The following DHX34 variants were observed in gnomAD, a reference collection of about 807,000 sequenced individuals.
The protein encoded by DHX34 is probable ATP-dependent RNA helicase DHX34.
Under a neutral mutation model 111.1 loss-of-function variants are expected in DHX34, and 96 were observed. That is an observed-to-expected ratio of 0.86 (90% CI 0.73 to 1.02). The LOEUF (loss-of-function observed/expected upper bound fraction) is 1.02, where lower values mean the gene tolerates loss of function less well. DHX34 is among the 50% of genes least tolerant of loss of function. The pLI, the probability that DHX34 is intolerant of heterozygous loss-of-function variation, is 0.00. For synonymous variants in DHX34, 688 were observed against 670.4 expected (o/e 1.03, Z -0.41); for missense variants, 1,560 against 1,579.9 (o/e 0.99, Z 0.21).
chr19:47,379,189 T>G (rs561896798), intron 13 of DHX34, among the ~76,000 whole-genome samples: 1 of 152,134 alleles, frequency 6.6e-6, no homozygotes, highest in South Asian at 2.1e-4. Context: ...AACTTCACAT[T>G]CACATAAGCA....
At chr19:47,352,520 A>G (rs1377949015) in intron 1 of DHX34, among the ~76,000 whole-genome samples, 2 of 152,020 alleles carry the variant, frequency 1.3e-5, no homozygotes, top group Admixed American at 1.3e-4. Flanking sequence ...TACAAACAGT[A>G]AAAAATTAGC....
chr19:47,355,901 T>C lies in DHX34; in HGVS notation c.1017+551T>C, dbSNP rs187701827. On this transcript the variant is annotated intron_variant, in intron 3 of 16. Transcript: ENST00000328771. ...TAAAGTCTCAAATAAGAGAAGTTTA[T>C]TTCTCTCATATAACAGTGTGGCTGG... Among the ~76,000 whole-genome samples, 4 of 152,076 alleles carry C rather than the reference T, an allele frequency of 2.6e-5. No individual in the cohort carries two copies. In the East Asian group the frequency reaches 7.7e-4, roughly 29 times the overall value.
chr19:47,371,524 A>C (rs1969965505), intron 7 of DHX34, among the ~76,000 whole-genome samples: 1 of 152,210 alleles, frequency 6.6e-6, no homozygotes, highest in Admixed American at 6.5e-5. Context: ...GGTGTCCTGG[A>C]ATAGGACAGG....
chr19:47,368,298 CTTTTTTTTTTTT>C (rs71180827), intron 7 of DHX34, among the ~76,000 whole-genome samples: 4 of 46,022 alleles, frequency 8.7e-5, no homozygotes, highest in African/African-American at 3.9e-4. Context: ...TCATTAAATC[CTTTTTTTTTTTT>C]TTTTTTTTTT....
At chr19:47,377,034 C>T (rs1233741387) in intron 12 of DHX34, 66 bp from the exon 13 acceptor site, 1 of 1,609,780 alleles carries the variant, frequency 6.2e-7, no homozygotes, top group Non-Finnish European at 8.5e-7. Context: ...CCGGGTGGGA[C>T]AGGCGGGCTT....
intron 6 of DHX34, among the ~76,000 whole-genome samples, chr19:47,363,257 CTT>C (rs780009898): frequency 1.0e-3 from 154 of 152,064 alleles, no homozygotes; most frequent in Admixed American, 2.2e-3. Context: ...CCCGGCCTAA[CTT>C]TTTTTATTTT....
Position 47,382,244 on chromosome 19 carries a change from G to C in DHX34, c.*131G>C. ...GTCCTGTCCCAGTGCAGAGGGCCTG[G>C]AGCACGGATTGTGAATAAAGCCTCA... On this transcript the variant is annotated 3_prime_UTR_variant, in exon 17 of 17. Coordinates refer to ENST00000328771, the MANE Select transcript of DHX34 (RefSeq NM_014681.6). 6.9e-7 allele frequency: 1 copy of C among 1,442,384 alleles called. No individual in the cohort carries two copies. Among genetic ancestry groups the C allele is most frequent in the Non-Finnish European group, 9.1e-7 (1 of 1,093,316 alleles). 89.3% of individuals were successfully genotyped at this position (1,442,384 alleles called of 1,614,324 possible).
Position 47,376,069 on chromosome 19 carries a change from T to G in DHX34, c.2453T>G (p.Phe818Cys). 1 of 1,573,868 alleles carries G rather than the reference T, an allele frequency of 6.4e-7. No individual in the cohort carries two copies. Among genetic ancestry groups the G allele is most frequent in the African/African-American group, 1.4e-5 (1 of 72,912 alleles). The part of the protein sequence containing the change: ...LYPQLAVPDA[F>C]NSSRKDSDQI... ...CCACAGCTGGCCGTCCCCGACGCCTTCAACAGCAGCCGAAAGGACTCAGAC... is the reference window on the plus strand; with the variant it reads ...CCACAGCTGGCCGTCCCCGACGCCTGCAACAGCAGCCGAAAGGACTCAGAC... Residue 818 changes from phenylalanine (F) to cysteine (C), a missense_variant, in exon 11 of 17, where the codon TTC becomes TGC. Phe to Cys is a radical substitution (Grantham distance 205). Transcript: ENST00000328771.
intron 7 of DHX34, among the ~76,000 whole-genome samples, chr19:47,370,301 G>A (rs1298673339): frequency 1.3e-5 from 2 of 152,200 alleles, no homozygotes; most frequent in Non-Finnish European, 2.9e-5. Flanking sequence ...GCAGAAAGAA[G>A]TCTTGGCTTT....
intron 2 of DHX34, among the ~76,000 whole-genome samples, chr19:47,354,737 G>A (rs1969397811): frequency 6.6e-6 from 1 of 152,098 alleles, no homozygotes; most frequent in Admixed American, 6.6e-5. Context: ...TGCAACCTCC[G>A]CCTCCCGGGT....
At position 47,379,702 on chromosome 19, in the gene DHX34, T is replaced by C. The variant is rs765965776; in HGVS notation, c.2707-8T>C. ...CCTACTCCCTGTCTTCTGCCCCCTC[T>C]CTTTCAGTCCCTCCTGCTTTTTAGC... On this transcript the variant is annotated splice_polypyrimidine_tract_variant and splice_region_variant and intron_variant, in intron 13 of 16. Transcript: ENST00000328771. 3.1e-6 allele frequency: 5 copies of C among 1,587,848 alleles called. No homozygotes were observed. The highest frequency in any genetic ancestry group is 4.5e-5 in the East Asian group (2 of 44,230).
At chr19:47,364,755 A>T (rs1969739473) in intron 6 of DHX34, among the ~76,000 whole-genome samples, 1 of 152,120 alleles carries the variant, frequency 6.6e-6, no homozygotes, top group South Asian at 2.1e-4. Flanking sequence ...AACAAAGTCC[A>T]TGGGGTAGGT....
Position 47,375,685 on chromosome 19 carries a change from G to T in DHX34, c.2284G>T (p.Ala762Ser). Residue 762 changes from alanine to serine, a missense_variant, in exon 10 of 17, where the codon GCC (alanine) becomes TCC (serine). By Grantham distance (99) the Ala-to-Ser change is moderately conservative. Transcript: ENST00000328771. ...EDRAGPAPPG[A>S]SDGVDIQDVK... ...CAGGGCTGGCCCAGCCCCCCCAGGG[G>T]CCAGTGATGGCGTGGACATCCAGGT... The T allele has an allele frequency of 6.4e-7, 1 of 1,558,016 alleles. No homozygotes were observed. Among genetic ancestry groups the T allele is most frequent in the Non-Finnish European group, 8.7e-7 (1 of 1,155,868 alleles).
At chr19:47,377,252 G>A in intron 13 of DHX34, 46 bp downstream of exon 13, 1 of 1,572,474 alleles carries the variant, frequency 6.4e-7, no homozygotes, top group Non-Finnish European at 8.6e-7. Flanking sequence ...TATGAGAGCT[G>A]CGTTGCCCAG....
intron 9 of DHX34, among the ~76,000 whole-genome samples, chr19:47,374,132 AG>A (rs1422149816): frequency 6.6e-6 from 1 of 152,150 alleles, no homozygotes; most frequent in Non-Finnish European, 1.5e-5. Context: ...CTCGATAAAA[AG>A]AGAGGATAAA....
At chr19:47,377,554 G>C (rs903288405) in intron 13 of DHX34, among the ~76,000 whole-genome samples, 5 of 152,086 alleles carry the variant, frequency 3.3e-5, no homozygotes, top group Non-Finnish European at 7.4e-5. Flanking sequence ...GGTGGACACA[G>C]GGTGTGGTAC....
chr19:47,370,478 T>G (rs1969930948), intron 7 of DHX34, among the ~76,000 whole-genome samples: 3 of 152,202 alleles, frequency 2.0e-5, no homozygotes, highest in Admixed American at 6.5e-5. Context: ...TTGTTCATCT[T>G]GCCTGATTCT....
In DHX34 at chr19:47,364,000, C is replaced by A. The variant is rs1323690912; in HGVS notation, c.1593+1307C>A. 2.0e-5 allele frequency among the ~76,000 whole-genome samples: 3 copies of A among 152,094 alleles called. No individual in the cohort carries two copies. The East Asian group carries it at 5.8e-4, about 29-fold the overall frequency. On this transcript the variant is annotated intron_variant, in intron 6 of 16. Transcript: ENST00000328771. The stretch of plus-strand genomic sequence containing the variant: ...TTTAGCATAGGTTAGACTGCCATGA[C>A]AAATACACATGGTCACGAATGGCCA...
chr19:47,374,026 C>A (rs1433626207), intron 9 of DHX34, among the ~76,000 whole-genome samples: 1 of 152,196 alleles, frequency 6.6e-6, no homozygotes, highest in Non-Finnish European at 1.5e-5. Flanking sequence ...GCCGGCACAT[C>A]TGGAGCCAGA....
Sources: gnomAD v4.1 joint callset for allele counts (sites outside exome capture counted in the v4.1 genomes callset) on GRCh38, gnomAD v4.1.1 for gene constraint, MANE v1.5 for transcripts, NCBI Gene and HGNC (gene_info 2026-07-23, HGNC 2026-07-21) for gene names.